MAGI2: variants seen among roughly 807,000 people sequenced by gnomAD.
MAGI2 encodes membrane associated guanylate kinase, WW and PDZ domain containing 2.
A neutral mutation model predicts 133.3 loss-of-function variants in MAGI2; 35 were observed. The ratio of observed to expected loss-of-function variants is 0.26; its 90% CI spans 0.20 to 0.35. The LOEUF is 0.35. MAGI2 is among the 10% of genes least tolerant of loss of function. MAGI2 has a pLI of 1.00. For missense variants in MAGI2, 1,636 were observed against 1,863.4 expected, an observed-to-expected ratio of 0.88 and a Z score of 2.25; for synonymous variants, 729 against 710.6, an observed-to-expected ratio of 1.03 and a Z score of -0.41.
chr7:78,165,513 G>A (rs1584228997), intron 15 of MAGI2, among the ~76,000 whole-genome samples: 1 of 152,190 alleles, frequency 6.6e-6, no homozygotes, highest in East Asian at 1.9e-4. Context: ...GAGGTGGGGC[G>A]GGCATTTGTA....
chr7:79,230,090 A>G (rs1194278108), intron 1 of MAGI2, among the ~76,000 whole-genome samples: 8 of 150,554 alleles, frequency 5.3e-5, no homozygotes, highest in African/African-American at 7.3e-5. Context: ...ATGATTTCCA[A>G]TTTCATCCAT....
At chr7:78,245,560 T>C (rs1791677247) in intron 10 of MAGI2, among the ~76,000 whole-genome samples, 1 of 152,064 alleles carries the variant, frequency 6.6e-6, no homozygotes, top group African/African-American at 2.4e-5. Context: ...GCAGAAACCC[T>C]GTAGAGCACA....
At chr7:79,173,851 T>A (rs954646411) in intron 1 of MAGI2, among the ~76,000 whole-genome samples, 3 of 152,040 alleles carry the variant, frequency 2.0e-5, no homozygotes, top group African/African-American at 7.2e-5. Flanking sequence ...TTCCTTAACA[T>A]ATACCAGAAT....
At chr7:78,620,501 T>G (rs868660084) in intron 3 of MAGI2, among the ~76,000 whole-genome samples, 1 of 152,022 alleles carries the variant, frequency 6.6e-6, no homozygotes, top group Non-Finnish European at 1.5e-5. Flanking sequence ...TGCTACATCA[T>G]GAAGTACAGC....
At chr7:79,356,901 CAAG>C (rs1172055141) in intron 1 of MAGI2, among the ~76,000 whole-genome samples, 1 of 152,062 alleles carries the variant, frequency 6.6e-6, no homozygotes, top group Non-Finnish European at 1.5e-5. Flanking sequence ...GGTCCAAAAT[CAAG>C]AAGAAGAAAA....
chr7:78,803,495 T>A (rs949875741), intron 2 of MAGI2, among the ~76,000 whole-genome samples: 7 of 152,182 alleles, frequency 4.6e-5, no homozygotes, highest in South Asian at 2.1e-4. Flanking sequence ...TTATTTTTTT[T>A]TTTTGCAATG....
chr7:78,593,351 T>C (rs924002954), intron 3 of MAGI2, among the ~76,000 whole-genome samples: 31 of 151,838 alleles, frequency 2.0e-4, no homozygotes, highest in African/African-American at 4.6e-4. Flanking sequence ...GAGATCGCAC[T>C]ACTGCACTCC....
At chr7:78,570,787 A>G (rs1007782384) in intron 3 of MAGI2, among the ~76,000 whole-genome samples, 7 of 152,006 alleles carry the variant, frequency 4.6e-5, no homozygotes, top group African/African-American at 9.7e-5. Flanking sequence ...CAGATTATAT[A>G]TTTCTGTGCT....
chr7:78,203,474 T>C (rs1474188984), intron 10 of MAGI2, among the ~76,000 whole-genome samples: 1 of 152,156 alleles, frequency 6.6e-6, no homozygotes, highest in Non-Finnish European at 1.5e-5. Context: ...CCTTTCATCA[T>C]GGGTACTTGG....
At chr7:78,020,252 T>C (rs1159887014) in intron 21 of MAGI2, among the ~76,000 whole-genome samples, 1 of 152,218 alleles carries the variant, frequency 6.6e-6, no homozygotes, top group African/African-American at 2.4e-5. Flanking sequence ...CCCTTCGCCT[T>C]GGCCCTGCTA....
At chr7:79,067,704 C>T (rs949038722) in intron 1 of MAGI2, among the ~76,000 whole-genome samples, 1 of 152,172 alleles carries the variant, frequency 6.6e-6, no homozygotes, top group African/African-American at 2.4e-5. Context: ...GGAATGCTTC[C>T]AGCTTTTGCC....
chr7:79,019,261 C>T (rs538879798), intron 1 of MAGI2, among the ~76,000 whole-genome samples: 5 of 152,272 alleles, frequency 3.3e-5, no homozygotes, highest in South Asian at 2.1e-4. Flanking sequence ...ACAATCCCCA[C>T]GTGTCAAGGG....
chr7:79,400,654 C>T (rs559033015), intron 1 of MAGI2, among the ~76,000 whole-genome samples: 2 of 152,202 alleles, frequency 1.3e-5, no homozygotes, highest in African/African-American at 4.8e-5. Context: ...ACTCCTAGTA[C>T]TTTTAAATAA....
intron 9 of MAGI2, among the ~76,000 whole-genome samples, chr7:78,313,354 TAAA>T (rs1206684053): frequency 6.6e-6 from 1 of 151,854 alleles, no homozygotes; most frequent in Non-Finnish European, 1.5e-5. Context: ...AAATAAAAAA[TAAA>T]AAAATTTCAT....
chr7:79,297,055 T>C (rs1836989304), intron 1 of MAGI2, among the ~76,000 whole-genome samples: 1 of 152,172 alleles, frequency 6.6e-6, no homozygotes, highest in African/African-American at 2.4e-5. Flanking sequence ...AACCCTTAAG[T>C]ATTTCATTAA....
intron 10 of MAGI2, chr7:78,253,059 C>G (rs1792590563): frequency 6.6e-6 from 1 of 151,800 alleles, no homozygotes; most frequent in African/African-American, 2.4e-5. Flanking sequence ...CTGAGCAATA[C>G]TACTCCTAGG....
intron 3 of MAGI2, among the ~76,000 whole-genome samples, chr7:78,522,638 C>T (rs1305542541): frequency 1.3e-5 from 2 of 152,150 alleles, no homozygotes; most frequent in Non-Finnish European, 2.9e-5. Flanking sequence ...CCTCGGCCCC[C>T]CAAAGTGCTG....
At chr7:78,839,073 G>A (rs1791900662) in intron 2 of MAGI2, among the ~76,000 whole-genome samples, 1 of 151,980 alleles carries the variant, frequency 6.6e-6, no homozygotes. Context: ...GAAGAAGAAA[G>A]GGATTTAGTG....
At chr7:78,797,781 C>T (rs888817718) in intron 2 of MAGI2, among the ~76,000 whole-genome samples, 7 of 152,186 alleles carry the variant, frequency 4.6e-5, no homozygotes, top group East Asian at 1.9e-4. Context: ...TATATATTCA[C>T]GCTAGGGGTA....
Sources: gnomAD v4.1 joint callset for allele counts (sites outside exome capture counted in the v4.1 genomes callset) on GRCh38, gnomAD v4.1.1 for gene constraint, MANE v1.5 for transcripts, NCBI Gene and HGNC (gene_info 2026-07-23, HGNC 2026-07-21) for gene names.